The following DENND2C variants were observed in gnomAD, a reference collection of about 807,000 sequenced individuals.
DENND2C encodes DENN domain-containing protein 2C.
Under a neutral mutation model 112.4 loss-of-function variants are expected in DENND2C, and 72 were observed. That is an observed-to-expected ratio of 0.64 (90% CI 0.53 to 0.78). The LOEUF (loss-of-function observed/expected upper bound fraction) is 0.78. Among genes scored for constraint, DENND2C ranks in the 30% least tolerant of loss-of-function variants. The pLI is 0.00. For missense variants in DENND2C, 992 were observed against 1,113.8 expected (o/e 0.89, Z 1.56); for synonymous variants, 329 against 381.6 (o/e 0.86, Z 1.61).
At chr1:114,612,484 G>A (rs1655850104) in intron 8 of DENND2C, among the ~76,000 whole-genome samples, 1 of 150,614 alleles carries the variant, frequency 6.6e-6, no homozygotes, top group Non-Finnish European at 1.5e-5. Flanking sequence ...TCCAGAGTAG[G>A]CTGGGACTAC....
At chr1:114,601,721 G>A (rs1037514278) in intron 12 of DENND2C, 136 bp from the exon 13 acceptor site, 44 of 723,622 alleles carry the variant, frequency 6.1e-5, no homozygotes, top group African/African-American at 3.1e-4. Flanking sequence ...AGTGAACACT[G>A]AAAGATGTGA....
chr1:114,644,705 T>C (rs1393708884), intron 3 of DENND2C, among the ~76,000 whole-genome samples: 1 of 152,190 alleles, frequency 6.6e-6, no homozygotes, highest in East Asian at 1.9e-4. Context: ...GATATCTTCA[T>C]TTTCTAGATG....
At chr1:114,666,832 AC>A (rs1186332101) in intron 1 of DENND2C, among the ~76,000 whole-genome samples, 1 of 152,230 alleles carries the variant, frequency 6.6e-6, no homozygotes, top group Non-Finnish European at 1.5e-5. Context: ...AGTACCTTTA[AC>A]ACCATATTTT....
chr1:114,601,069 A>T (rs1007385412), intron 13 of DENND2C, 109 bp from the exon 14 acceptor site: 6 of 1,220,228 alleles, frequency 4.9e-6, no homozygotes, highest in Non-Finnish European at 6.7e-6. Context: ...AACCCAAATA[A>T]AATTTAAGAC....
chr1:114,584,781 G>A lies in DENND2C; in HGVS notation c.*819C>T, dbSNP rs1654996253. 1 of 152,008 alleles carries A rather than the reference G, an allele frequency of 6.6e-6. No homozygotes were observed. The highest frequency in any genetic ancestry group is 2.1e-4 in the South Asian group (1 of 4,826). 9.4% of individuals were successfully genotyped at this position (152,008 alleles called of 1,614,324 possible). A position where few individuals can be genotyped will look rare whatever the true frequency, so the allele number is the denominator to read the frequency against. On this transcript the variant is annotated 3_prime_UTR_variant, in exon 21 of 21. Transcript: ENST00000393274. ...AAATTTATTTACTTATTTTTAAAAT[G>A]TTTTTGTAGAGATGGGATCTTGCTA...
At chr1:114,589,660 A>G (rs1315548445) in intron 18 of DENND2C, among the ~76,000 whole-genome samples, 1 of 151,884 alleles carries the variant, frequency 6.6e-6, no homozygotes, top group Non-Finnish European at 1.5e-5. Context: ...ACCCAGCCCC[A>G]ACACTGCATT....
intron 1 of DENND2C, among the ~76,000 whole-genome samples, chr1:114,661,106 CAAAAAAA>C (rs61417132): frequency 9.7e-6 from 1 of 102,676 alleles, no homozygotes; most frequent in African/African-American, 3.7e-5. Flanking sequence ...GACTCCGTCT[CAAAAAAA>C]AAAAAAAAAA....
chr1:114,595,094 T>G (rs1655304708), intron 17 of DENND2C, among the ~76,000 whole-genome samples: 1 of 152,152 alleles, frequency 6.6e-6, no homozygotes, highest in Non-Finnish European at 1.5e-5. Flanking sequence ...TTCTAAAACT[T>G]TATGTGTGTC....
Position 114,600,337 on chromosome 1 carries a change from G to A in DENND2C, c.1972C>T (p.Arg658Ter), listed in dbSNP as rs1328949053. The change falls in exon 15 of 21, where the codon CGA becomes TGA. Residue 658 changes from arginine (R) to a stop codon, truncating the protein, a stop_gained. Transcript: ENST00000393274. LOFTEE classifies it high-confidence loss of function. ...GAGDESIELC[R>*]PLDSRLEHVD... is the part of the protein sequence containing the mutation. ...TGTTCCAATCGGGAATCTAGTGGTC[G>A]GCAGAGTTCAATGGACTGAAATGCA... 8 of 1,613,914 alleles carry A rather than the reference G, an allele frequency of 5.0e-6. No individual in the cohort carries two copies. The highest frequency in any genetic ancestry group is 4.5e-5 in the East Asian group (2 of 44,884).
At chr1:114,592,509 G>A (rs1655222217) in intron 18 of DENND2C, among the ~76,000 whole-genome samples, 1 of 152,040 alleles carries the variant, frequency 6.6e-6, no homozygotes, top group Admixed American at 6.6e-5. Context: ...CTTGAGCCCA[G>A]GAGTTCAAGA....
intron 1 of DENND2C, among the ~76,000 whole-genome samples, chr1:114,668,737 A>C (rs1657710888): frequency 6.6e-6 from 1 of 152,182 alleles, no homozygotes; most frequent in Non-Finnish European, 1.5e-5. Context: ...AAAGAACAAA[A>C]ACGTCTATAA....
intron 1 of DENND2C, among the ~76,000 whole-genome samples, chr1:114,666,072 A>G (rs1657640058): frequency 6.6e-6 from 1 of 152,228 alleles, no homozygotes; most frequent in Non-Finnish European, 1.5e-5. Flanking sequence ...CCCTTCATCC[A>G]AACAGTTTTC....
chr1:114,619,194 AACAG>A (rs1177282173), intron 7 of DENND2C, among the ~76,000 whole-genome samples: 2 of 152,336 alleles, frequency 1.3e-5, no homozygotes, highest in East Asian at 1.9e-4. Flanking sequence ...GTGTAAGAGA[AACAG>A]ACAGGAGACA....
intron 11 of DENND2C, among the ~76,000 whole-genome samples, chr1:114,602,693 A>C (rs1655545812): frequency 6.6e-6 from 1 of 152,034 alleles, no homozygotes; most frequent in African/African-American, 2.4e-5. Context: ...CCTCCCAAGT[A>C]GCTGGAACTA....
intron 1 of DENND2C, among the ~76,000 whole-genome samples, chr1:114,661,308 T>C (rs972924790): frequency 6.6e-6 from 1 of 152,168 alleles, no homozygotes; most frequent in African/African-American, 2.4e-5. Context: ...GTATAATTTT[T>C]AATTTCCAGC....
At chr1:114,645,736 T>G (rs1053523357) in intron 2 of DENND2C, among the ~76,000 whole-genome samples, 177 bp from the exon 3 acceptor site, 1 of 152,178 alleles carries the variant, frequency 6.6e-6, no homozygotes, top group East Asian at 1.9e-4. Context: ...TCTCTAATGT[T>G]TATCATCTGT....
chr1:114,610,100 C>T (rs1570769382), intron 9 of DENND2C, among the ~76,000 whole-genome samples: 1 of 152,144 alleles, frequency 6.6e-6, no homozygotes, highest in East Asian at 1.9e-4. Context: ...TGGAACTGCC[C>T]TGTACTCAGC....
intron 1 of DENND2C, among the ~76,000 whole-genome samples, chr1:114,655,973 G>T (rs1278596925): frequency 6.7e-6 from 1 of 150,042 alleles, no homozygotes; most frequent in African/African-American, 2.5e-5. Flanking sequence ...TTCATTTAAT[G>T]GTAATGCCAG....
In DENND2C at chr1:114,604,937, G is replaced by A; in HGVS notation, c.1652C>T (p.Thr551Ile). The A allele has an allele frequency of 1.9e-6, 3 of 1,612,888 alleles. No individual in the cohort carries two copies. The highest frequency in any genetic ancestry group is 2.2e-5 in the South Asian group (2 of 91,046). ...CFPDSKDWMP[T>I]SELKSETFSF... The stretch of plus-strand genomic sequence containing the variant: ...GCCCATTTACCTCTTGAGTTCTGAG[G>A]TTGGCATCCAGTCCTTTGAATCAGG... The change falls in exon 11 of 21, where the codon ACC becomes ATC. Residue 551 changes from threonine (T) to isoleucine (I), a missense_variant. Thr to Ile is a moderately conservative substitution (Grantham distance 89, BLOSUM62 -1). Around this residue, in one of 3 missense-constraint regions of DENND2C, gnomAD observed 516 missense variants for 623.6 expected, o/e 0.83. Transcript: ENST00000393274.
Sources: gnomAD v4.1 joint callset for allele counts (sites outside exome capture counted in the v4.1 genomes callset) on GRCh38, gnomAD v4.1.1 for gene constraint, gnomAD v4.1.1 regional missense constraint, MANE v1.5 for transcripts, NCBI Gene and HGNC (gene_info 2026-07-23, HGNC 2026-07-21) for gene names.